PCDHGA1: variants seen among roughly 807,000 people sequenced by gnomAD.
PCDHGA1 encodes protocadherin gamma subfamily A, 1.
Under a neutral mutation model 58.0 loss-of-function variants are expected in PCDHGA1, and 32 were observed. The observed-to-expected ratio is 0.55, with a 90% CI of 0.42 to 0.74. PCDHGA1 has a LOEUF of 0.74. Ranked by LOEUF, PCDHGA1 falls within the 30% of genes least tolerant of loss-of-function variation. The pLI is 0.00. For missense variants in PCDHGA1, 1,205 were observed against 1,182.3 expected, an observed-to-expected ratio of 1.02 and a Z score of -0.28; for synonymous variants, 498 against 501.1, an observed-to-expected ratio of 0.99 and a Z score of 0.08.
rs768286784 is a variant in PCDHGA1 at position 141,361,660 on chromosome 5, G to T, written c.2421+28555G>T. The T allele has an allele frequency of 5.6e-6, 9 of 1,613,754 alleles. 1 individual carries two copies. The highest frequency in any genetic ancestry group is 2.2e-5 in the East Asian group (1 of 44,882). ...GATTTTATCCTACGTGTCCGTGAGC[G>T]CGCAGAGCGGGGTGGTGTTCGCGCA... On this transcript the variant is annotated intron_variant, in intron 1 of 3. Transcript: ENST00000517417.
chr5:141,345,201 C>A, intron 1 of PCDHGA1: 1 of 1,613,964 alleles, frequency 6.2e-7, no homozygotes, highest in Non-Finnish European at 8.5e-7. Context: ...CCTGGGAAAT[C>A]TGCCATTTAA....
In PCDHGA1 at chr5:141,476,089, C is replaced by A; in HGVS notation, c.2422-18718C>A. 1 of 1,560,716 alleles carries A rather than the reference C, an allele frequency of 6.4e-7. No individual in the cohort carries two copies. The highest frequency in any genetic ancestry group is 8.6e-7 in the Non-Finnish European group (1 of 1,158,372). On this transcript the variant is annotated intron_variant, in intron 1 of 3. Coordinates refer to ENST00000517417, the MANE Select transcript of PCDHGA1 (RefSeq NM_018912.3). This position sits in a 1 kb window ranked among gnomAD's most constrained non-coding sequence, Gnocchi z 7.6. ...CGAAATCTCAGGGACGATCTGGACC[C>A]CGCTGAGAGGAACTGCTTTTGAGTG...
intron 1 of PCDHGA1, among the ~76,000 whole-genome samples, chr5:141,466,180 AT>A (rs922532578): frequency 6.6e-6 from 1 of 151,138 alleles, no homozygotes; most frequent in Admixed American, 6.6e-5. Context: ...TTTTATTTTT[AT>A]TTTTTTTCAG....
rs1480686339 is a variant in PCDHGA1, at chr5:141,415,643, A to G, written c.2422-79164A>G. ...TTTATTTTCATTTTTACTTTTGTTA[A>G]AAAAAAAAAGATTGGTTTTTACTTT... is the stretch of plus-strand genomic sequence containing the variant. On this transcript the variant is annotated intron_variant, in intron 1 of 3. Transcript: ENST00000517417. The G allele has an allele frequency of 5.1e-6, 8 of 1,571,752 alleles. No individual in the cohort carries two copies. In the South Asian group the frequency reaches 9.1e-5, roughly 18 times the overall value.
chr5:141,402,843 G>C (rs1370040306), intron 1 of PCDHGA1: 5 of 1,399,114 alleles, frequency 3.6e-6, no homozygotes, highest in Non-Finnish European at 4.7e-6. Flanking sequence ...GCAAAACTCA[G>C]CCTCTTTCTT....
At chr5:141,482,116 T>C (rs1017195289) in intron 1 of PCDHGA1, among the ~76,000 whole-genome samples, 4 of 150,222 alleles carry the variant, frequency 2.7e-5, no homozygotes, top group South Asian at 2.1e-4. Context: ...TATCTAGAGA[T>C]GGGAGAATCA....
At position 141,499,027 on chromosome 5, in the gene PCDHGA1, A is replaced by AG. The variant is rs1323149397; in HGVS notation, c.2480+4163dup. 7.4e-3 allele frequency among the ~76,000 whole-genome samples: 1,116 copies of AG among 149,928 alleles called. 12 individuals are homozygous for AG. Among genetic ancestry groups the AG allele is most frequent in the African/African-American group, 0.026 (1,074 of 40,604 alleles). On this transcript the variant is annotated intron_variant, in intron 2 of 3. Transcript: ENST00000517417. ...AAGGAAGGAAGGAAGGAAGGAAGGA[A>AG]GAAAAGAAAGAAAAAGGGAGAAAAA...
intron 3 of PCDHGA1, 44 bp downstream of exon 3, chr5:141,505,525 G>C: frequency 1.2e-6 from 2 of 1,612,490 alleles, no homozygotes; most frequent in Non-Finnish European, 1.7e-6. Flanking sequence ...GAGACCTGGG[G>C]TTCTGGGGTG....
rs780380650 is a variant in PCDHGA1 at position 141,432,715 on chromosome 5, C to G, written c.2422-62092C>G. 2.5e-6 allele frequency: 4 copies of G among 1,613,996 alleles called. No homozygotes were observed. Among genetic ancestry groups the G allele is most frequent in the Non-Finnish European group, 3.4e-6 (4 of 1,179,970 alleles). On this transcript the variant is annotated intron_variant, in intron 1 of 3. Transcript: ENST00000517417. The surrounding 1 kb of genome is among the most constrained non-coding windows in gnomAD (Gnocchi z 6.0). ...TGGCCGTCCAGGACCACGGCCAGCC[C>G]CCTCTCTCCGCCACTGTCACGCTCA... is the stretch of plus-strand genomic sequence containing the variant.
rs769057975 is a variant in PCDHGA1 at position 141,345,323 on chromosome 5, G to T, written c.2421+12218G>T. ...TGAGAGCCTCAGATGGGGGAAGCCC[G>T]CCACTGTCCACAGAAACTCACATCA... On this transcript the variant is annotated intron_variant, in intron 1 of 3. Coordinates refer to ENST00000517417, the MANE Select transcript of PCDHGA1 (RefSeq NM_018912.3). The T allele has an allele frequency of 1.1e-5, 18 of 1,613,784 alleles. No individual in the cohort carries two copies. In the Middle Eastern group the frequency reaches 6.6e-4, roughly 59 times the overall value.
chr5:141,399,623 C>G, intron 1 of PCDHGA1: 2 of 1,613,920 alleles, frequency 1.2e-6, no homozygotes, highest in Non-Finnish European at 1.7e-6. Context: ...GCACTGGCCT[C>G]TTACGTGTCC....
In PCDHGA1 at chr5:141,366,239, G is replaced by C. The variant is rs765141853; in HGVS notation, c.2421+33134G>C. On this transcript the variant is annotated intron_variant, in intron 1 of 3. Coordinates refer to ENST00000517417, the MANE Select transcript of PCDHGA1 (RefSeq NM_018912.3). ...AGCGCGAGCCCTGCTGGACAGAGAC[G>C]CGCTCAAGCAGAGCCTCGTGGTGGC... 6 of 1,613,776 alleles carry C rather than the reference G, an allele frequency of 3.7e-6. No individual in the cohort carries two copies. The Admixed American group carries it at 8.3e-5, about 22-fold the overall frequency.
chr5:141,477,901 C>T lies in PCDHGA1; in HGVS notation c.2422-16906C>T, dbSNP rs2099423750. ...GCCACCTAGTGTCACGGGTGGTAGG[C>T]TGGGACGCGGATGCAGGGCACAATG... On this transcript the variant is annotated intron_variant, in intron 1 of 3. Transcript: ENST00000517417. The surrounding 1 kb of genome is among the most constrained non-coding windows in gnomAD (Gnocchi z 4.9). The T allele has an allele frequency of 1.9e-6, 3 of 1,614,188 alleles. No homozygotes were observed. The highest frequency in any genetic ancestry group is 2.5e-6 in the Non-Finnish European group (3 of 1,180,042).
intron 1 of PCDHGA1, chr5:141,370,324 C>A: frequency 7.3e-7 from 1 of 1,378,620 alleles, no homozygotes. Flanking sequence ...TGGTCCTGCT[C>A]GGAGAACTCT....
At chr5:141,376,530 G>A (rs200613052) in intron 1 of PCDHGA1, 1 of 1,613,668 alleles carries the variant, frequency 6.2e-7, no homozygotes, top group Admixed American at 1.7e-5. Context: ...CCGCCTAAGC[G>A]GGAAGAGTAA....
intron 1 of PCDHGA1, among the ~76,000 whole-genome samples, chr5:141,483,094 G>C (rs1304382782): frequency 6.6e-6 from 1 of 152,058 alleles, no homozygotes; most frequent in African/African-American, 2.4e-5. Context: ...CAAAAAAAAA[G>C]TGTGCGTGTA....
Position 141,383,013 on chromosome 5 carries a change from G to A in PCDHGA1, c.2421+49908G>A, listed in dbSNP as rs1209966350. Reference sequence around the variant, plus strand: ...GTATTCTCTACTCCGTGTCGGAGGAGACGGACAAAGGGTCCTTTGTGGGAG... The same window carrying A: ...GTATTCTCTACTCCGTGTCGGAGGAAACGGACAAAGGGTCCTTTGTGGGAG... On this transcript the variant is annotated intron_variant, in intron 1 of 3. Coordinates refer to ENST00000517417, the MANE Select transcript of PCDHGA1 (RefSeq NM_018912.3). 6 of 1,613,828 alleles carry A rather than the reference G, an allele frequency of 3.7e-6. No individual in the cohort carries two copies. The East Asian group carries it at 6.7e-5, about 18-fold the overall frequency.
Position 141,366,194 on chromosome 5 carries a change from C to T in PCDHGA1, c.2421+33089C>T, listed in dbSNP as rs559944832. 5.0e-6 allele frequency: 8 copies of T among 1,613,936 alleles called. No homozygotes were observed. In the African/African-American group the frequency reaches 6.7e-5, roughly 13 times the overall value. On this transcript the variant is annotated intron_variant, in intron 1 of 3. Transcript: ENST00000517417. ...GCCAGGACTCTTTGCGGTTGGGCTG[C>T]ACACGGGCGAGGTGCGCACAGCGCG...
intron 1 of PCDHGA1, chr5:141,394,859 C>T: frequency 6.2e-7 from 1 of 1,613,758 alleles, no homozygotes; most frequent in Non-Finnish European, 8.5e-7. Context: ...AGCCTTCGGT[C>T]GACCCGAACG....
Sources: gnomAD v4.1 joint callset for allele counts (sites outside exome capture counted in the v4.1 genomes callset) on GRCh38, gnomAD v4.1.1 for gene constraint, Gnocchi (gnomAD v3.1) non-coding constraint, MANE v1.5 for transcripts, NCBI Gene and HGNC (gene_info 2026-07-23, HGNC 2026-07-21) for gene names.